Variants in DCUN1D4 observed in about 807,000 individuals in gnomAD.
DCUN1D4 encodes the protein DCN1-like protein 4.
A neutral mutation model predicts 47.9 loss-of-function variants in DCUN1D4; 22 were observed. The ratio of observed to expected loss-of-function variants is 0.46; its 90% CI spans 0.33 to 0.66. The LOEUF (loss-of-function observed/expected upper bound fraction) is 0.66, where lower values mean the gene tolerates loss of function less well. DCUN1D4 is among the 30% of genes least tolerant of loss of function. DCUN1D4 has a pLI of 0.02. For missense variants in DCUN1D4, 301 were observed against 340.8 expected (o/e 0.88, Z 0.92); for synonymous variants, 121 against 112.2 (o/e 1.08, Z -0.50).
chr4:51,872,371 C>G (rs1275981795), intron 3 of DCUN1D4, among the ~76,000 whole-genome samples: 1 of 152,182 alleles, frequency 6.6e-6, no homozygotes, highest in Non-Finnish European at 1.5e-5. Flanking sequence ...AAGAGCTGTT[C>G]ACATTCACTG....
At chr4:51,868,411 GTTTATTGCCTGT>G (rs1726318802) in intron 3 of DCUN1D4, among the ~76,000 whole-genome samples, 1 of 152,200 alleles carries the variant, frequency 6.6e-6, no homozygotes, top group Non-Finnish European at 1.5e-5. Flanking sequence ...TGACATGCTG[GTTTATTGCCTGT>G]TACCTTGTAA....
upstream of DCUN1D4, among the ~76,000 whole-genome samples, chr4:51,842,304 C>T (rs1163420390): frequency 6.6e-6 from 1 of 152,136 alleles, no homozygotes; most frequent in Non-Finnish European, 1.5e-5. Context: ...GCTCAGAGCG[C>T]GGCCCTGTAT....
upstream of DCUN1D4, among the ~76,000 whole-genome samples, chr4:51,840,636 G>C (rs568052475): frequency 2.0e-5 from 3 of 152,280 alleles, no homozygotes; most frequent in East Asian, 5.8e-4. Context: ...TTCATTTTAA[G>C]GGGTATGGTT....
At chr4:51,872,635 G>C (rs1727077742) in intron 3 of DCUN1D4, among the ~76,000 whole-genome samples, 1 of 152,184 alleles carries the variant, frequency 6.6e-6, no homozygotes. Flanking sequence ...CCAGGGCTCT[G>C]TCCTTAGTCC....
intron 1 of DCUN1D4, among the ~76,000 whole-genome samples, chr4:51,856,835 G>T (rs1299436578): frequency 6.6e-6 from 1 of 152,162 alleles, no homozygotes; most frequent in Non-Finnish European, 1.5e-5. Context: ...AAGATCATTG[G>T]TGTTAAAAAT....
intron 6 of DCUN1D4, chr4:51,886,900 G>C (rs1261094461): frequency 4.5e-6 from 2 of 449,246 alleles, no homozygotes; most frequent in African/African-American, 4.0e-5. Flanking sequence ...CTTACAAAAT[G>C]GTGTGGCCAC....
At chr4:51,881,292 C>T (rs577008077) in intron 5 of DCUN1D4, among the ~76,000 whole-genome samples, 35 of 152,318 alleles carry the variant, frequency 2.3e-4, no homozygotes, top group African/African-American at 7.9e-4. Context: ...TTCTACAAGT[C>T]CTGACTGTAG....
At chr4:51,847,251 G>A (rs1325808822) in intron 1 of DCUN1D4, among the ~76,000 whole-genome samples, 1 of 152,134 alleles carries the variant, frequency 6.6e-6, no homozygotes, top group African/African-American at 2.4e-5. Flanking sequence ...TATTCTAAAA[G>A]AATTAGGGGT....
At chr4:51,904,500 C>G (rs1237483862) in intron 8 of DCUN1D4, among the ~76,000 whole-genome samples, 1 of 152,176 alleles carries the variant, frequency 6.6e-6, no homozygotes, top group Admixed American at 6.5e-5. Context: ...ATCTTTGCCA[C>G]CTTGAACTCC....
chr4:51,846,121 C>T (rs781596500), intron 1 of DCUN1D4, among the ~76,000 whole-genome samples: 4 of 152,148 alleles, frequency 2.6e-5, no homozygotes, highest in Non-Finnish European at 4.4e-5. Flanking sequence ...TCCCAAAGGG[C>T]AGGTGCTTTT....
At chr4:51,868,909 G>T in intron 3 of DCUN1D4, among the ~76,000 whole-genome samples, 1 of 152,226 alleles carries the variant, frequency 6.6e-6, no homozygotes, top group South Asian at 2.1e-4. Context: ...CACGAGGTCA[G>T]GAGTTCAAGA....
chr4:51,894,012 C>T (rs1362393940), intron 7 of DCUN1D4, among the ~76,000 whole-genome samples: 2 of 152,106 alleles, frequency 1.3e-5, no homozygotes, highest in Admixed American at 6.5e-5. Context: ...AAGAGGTCTG[C>T]GTCTGCGTTC....
At chr4:51,836,360 G>A in the DCUN1D4 span, among the ~76,000 whole-genome samples, 5 of 152,120 alleles carry the variant, frequency 3.3e-5, no homozygotes, top group Non-Finnish European at 7.4e-5. Flanking sequence ...GTAAGCATTC[G>A]GGTTAGTTGG....
chr4:51,891,762 A>G lies in DCUN1D4; in HGVS notation c.417A>G (p.Val139=), dbSNP rs201922365. The G allele has an allele frequency of 1.2e-6, 2 of 1,608,370 alleles. No homozygotes were observed. The highest frequency in any genetic ancestry group is 1.7e-6 in the Non-Finnish European group (2 of 1,177,218). ...AATTGTGTATTTTTTTTTAACAGGT[A>G]GTTATGCTTGTCCTAGCTTGGAAAT... ...CEDIGVEPEN[V]VMLVLAWKLD... is the part of the protein sequence containing the mutation. Residue 139 remains valine, a splice_region_variant and synonymous_variant, in exon 7 of 11, where the codon GTA becomes GTG. Coordinates refer to ENST00000334635, the MANE Select transcript of DCUN1D4 (RefSeq NM_001040402.3).
At chr4:51,867,068 T>G (rs1365305895) in intron 3 of DCUN1D4, among the ~76,000 whole-genome samples, 1 of 152,252 alleles carries the variant, frequency 6.6e-6, no homozygotes, top group Non-Finnish European at 1.5e-5. Context: ...CAGCCAGGCA[T>G]GCTGGCTGCT....
At chr4:51,835,743 T>G in the DCUN1D4 span, among the ~76,000 whole-genome samples, 2 of 150,312 alleles carry the variant, frequency 1.3e-5, no homozygotes, top group South Asian at 2.1e-4. Flanking sequence ...ATGAGAGAGA[T>G]GGCAAAGGAA....
intron 5 of DCUN1D4, among the ~76,000 whole-genome samples, chr4:51,886,337 A>G (rs548743876): frequency 2.0e-5 from 3 of 152,366 alleles, no homozygotes; most frequent in African/African-American, 4.8e-5. Flanking sequence ...GGTATATACC[A>G]TATTCCAACG....
At chr4:51,860,279 T>C (rs1347207701) in intron 1 of DCUN1D4, among the ~76,000 whole-genome samples, 1 of 152,146 alleles carries the variant, frequency 6.6e-6, no homozygotes, top group Non-Finnish European at 1.5e-5. Flanking sequence ...AAATGGATAA[T>C]TGGTGACATA....
chr4:51,908,398 G>T (rs1382531975), intron 8 of DCUN1D4, among the ~76,000 whole-genome samples: 1 of 152,166 alleles, frequency 6.6e-6, no homozygotes, highest in Non-Finnish European at 1.5e-5. Context: ...TTCTGGGGAT[G>T]CTGGTTGGCT....
Sources: allele counts gnomAD v4.1 joint callset (sites outside exome capture counted in the v4.1 genomes callset), GRCh38; gene constraint gnomAD v4.1.1; transcripts MANE v1.5; gene names NCBI Gene and HGNC (gene_info 2026-07-23, HGNC 2026-07-21).